The following SLC16A13 variants were observed in gnomAD, a reference collection of about 807,000 sequenced individuals.
SLC16A13 encodes monocarboxylate transporter 13.
Under a neutral mutation model 28.1 loss-of-function variants are expected in SLC16A13, and 28 were observed. The ratio of observed to expected loss-of-function variants is 1.00; its 90% CI spans 0.74 to 1.37. The LOEUF (loss-of-function observed/expected upper bound fraction) is 1.37. SLC16A13 is among the 40% of genes most tolerant of loss of function. The pLI, the probability that SLC16A13 is intolerant of heterozygous loss-of-function variation, is 0.00. For missense variants in SLC16A13, 482 were observed against 531.8 expected (o/e 0.91, Z 0.92); for synonymous variants, 228 against 241.6 (o/e 0.94, Z 0.52).
At position 7,038,774 on chromosome 17, in the gene SLC16A13, C is replaced by T. The variant is rs763112290; in HGVS notation, c.966C>T (p.Ala322=). Residue 322 remains alanine, a synonymous_variant, in exon 3 of 4, where the codon GCC becomes GCT. Transcript: ENST00000308027. This position sits in a 1 kb window ranked among gnomAD's most constrained non-coding sequence, Gnocchi z 5.7. ...VAYGFTSGAL[A]PLAFSVLPEL... The stretch of plus-strand genomic sequence containing the variant: ...ACGGCTTCACATCAGGGGCTCTGGC[C>T]CCACTGGCCTTCTCCGTGCTGCCTG... The T allele has an allele frequency of 1.2e-6, 2 of 1,613,998 alleles. No homozygotes were observed. Among genetic ancestry groups the T allele is most frequent in the South Asian group, 1.1e-5 (1 of 91,082 alleles).
chr17:7,040,073 C>G lies in SLC16A13; in HGVS notation c.*111C>G, dbSNP rs1386983848. On this transcript the variant is annotated 3_prime_UTR_variant, in exon 4 of 4. Coordinates refer to ENST00000308027, the MANE Select transcript of SLC16A13 (RefSeq NM_201566.3). ...GCCTTAAGATTCTTGATCTGCCTCC[C>G]CCTAGAGCAGGCCTGGGGCTCCTGC... is the stretch of plus-strand genomic sequence containing the variant. 2 of 985,348 alleles carry G rather than the reference C, an allele frequency of 2.0e-6. No homozygotes were observed. The highest frequency in any genetic ancestry group is 1.6e-5 in the African/African-American group (1 of 62,126). 61.0% of individuals were successfully genotyped at this position (985,348 alleles called of 1,614,324 possible).
chr17:7,036,280 G>A lies in SLC16A13; in HGVS notation c.-103G>A, dbSNP rs1597344132. 14 of 1,246,002 alleles carry A rather than the reference G, an allele frequency of 1.1e-5. No individual in the cohort carries two copies. Among genetic ancestry groups the A allele is most frequent in the Non-Finnish European group, 1.6e-5 (14 of 897,190 alleles). The allele number at this position is 1,246,002 out of a possible 1,614,324, so 77.2% of individuals were successfully genotyped here. A position where few individuals can be genotyped will look rare whatever the true frequency, so the allele number is the denominator to read the frequency against. ...TCTACCTGCCTCTCCAACCCCTCTC[G>A]GCCCCGAGCCACCCGGCAGCGGGGG... On this transcript the variant is annotated 5_prime_UTR_variant, in exon 1 of 4. Coordinates refer to ENST00000308027, the MANE Select transcript of SLC16A13 (RefSeq NM_201566.3).
chr17:7,036,667 G>A, intron 1 of SLC16A13, 60 bp from the exon 2 acceptor site: 1 of 1,607,210 alleles, frequency 6.2e-7, no homozygotes, highest in Non-Finnish European at 8.5e-7. Context: ...GGCGAGGGGC[G>A]GGAGATGCTG....
In SLC16A13 at chr17:7,036,494, T is replaced by C. The variant is rs200066541; in HGVS notation, c.112T>C (p.Phe38Leu). The change falls in exon 1 of 4, where the codon TTC (phenylalanine) becomes CTC (leucine). Residue 38 changes from phenylalanine to leucine, a missense_variant. Coordinates refer to ENST00000308027, the MANE Select transcript of SLC16A13 (RefSeq NM_201566.3). ...FGVLRSFGVF[F>L]VEFVAAFEEQ... ...GGTGCTCCGCTCCTTTGGGGTCTTC[T>C]TCGTGGAGTTTGTGGCGGCGTTTGA... 19 of 1,612,500 alleles carry C rather than the reference T, an allele frequency of 1.2e-5. No homozygotes were observed. Among genetic ancestry groups the C allele is most frequent in the Non-Finnish European group, 1.4e-5 (17 of 1,180,026 alleles).
chr17:7,039,199 T>C lies in SLC16A13; in HGVS notation c.1081+310T>C, dbSNP rs1490269701. On this transcript the variant is annotated intron_variant, in intron 3 of 3. Coordinates refer to ENST00000308027, the MANE Select transcript of SLC16A13 (RefSeq NM_201566.3). The surrounding 1 kb of genome is among the most constrained non-coding windows in gnomAD (Gnocchi z 4.3). ...GCATTCCAGTGTGCACCCTTTCCTT[T>C]GGCCTACTGGGCCCCAAACCAGGTA... Among the ~76,000 whole-genome samples the C allele has an allele frequency of 6.6e-6, 1 of 152,198 alleles. No individual in the cohort carries two copies. Among genetic ancestry groups the C allele is most frequent in the Non-Finnish European group, 1.5e-5 (1 of 68,020 alleles).
chr17:7,036,887 G>A lies in SLC16A13; in HGVS notation c.343+17G>A, dbSNP rs774992429. 1 of 1,609,564 alleles carries A rather than the reference G, an allele frequency of 6.2e-7. No individual in the cohort carries two copies. The highest frequency in any genetic ancestry group is 1.1e-5 in the South Asian group (1 of 91,012). ...TGCTGTCAGGTGAGAGCCTGCACAA[G>A]GGCAGGAGAGTCAAATGCTTAGATC... On this transcript the variant is annotated intron_variant, in intron 2 of 3. Transcript: ENST00000308027.
Position 7,039,964 on chromosome 17 carries a change from C to T in SLC16A13, c.*2C>T, listed in dbSNP as rs528557469. On this transcript the variant is annotated 3_prime_UTR_variant, in exon 4 of 4. Coordinates refer to ENST00000308027, the MANE Select transcript of SLC16A13 (RefSeq NM_201566.3). The surrounding 1 kb of genome is among the most constrained non-coding windows in gnomAD (Gnocchi z 4.3). ...AAGGAGGGGCTGGAAGAGGACTGAA[C>T]TCCACAGAGTCAGGCCCAGAAAGCC... 9 of 1,612,808 alleles carry T rather than the reference C, an allele frequency of 5.6e-6. No homozygotes were observed. The highest frequency in any genetic ancestry group is 1.3e-5 in the African/African-American group (1 of 74,912).
At position 7,039,976 on chromosome 17, in the gene SLC16A13, A is replaced by G. The variant is rs200078035; in HGVS notation, c.*14A>G. ...GAAGAGGACTGAACTCCACAGAGTCAGGCCCAGAAAGCCAAAGCTTGACAG... is the reference window on the plus strand; with the variant it reads ...GAAGAGGACTGAACTCCACAGAGTCGGGCCCAGAAAGCCAAAGCTTGACAG... On this transcript the variant is annotated 3_prime_UTR_variant, in exon 4 of 4. Transcript: ENST00000308027. This position sits in a 1 kb window ranked among gnomAD's most constrained non-coding sequence, Gnocchi z 4.3. 1.6e-5 allele frequency: 26 copies of G among 1,609,078 alleles called. No individual in the cohort carries two copies. In the East Asian group the frequency reaches 3.6e-4, roughly 22 times the overall value.
Position 7,038,297 on chromosome 17 carries a change from C to G in SLC16A13, c.489C>G (p.Leu163=). ...TTGCCCCCTTTTTCCAGTGGCTGCT[C>G]AGCCACTACGCCTGGAGGGGGTCCC... The part of the protein sequence containing the change: ...FTFAPFFQWL[L]SHYAWRGSLL... The change falls in exon 3 of 4, where the codon CTC becomes CTG. Residue 163 remains leucine (L), a synonymous_variant. Transcript: ENST00000308027. The surrounding 1 kb of genome is among the most constrained non-coding windows in gnomAD (Gnocchi z 5.7). 1 of 1,614,128 alleles carries G rather than the reference C, an allele frequency of 6.2e-7. No individual in the cohort carries two copies. Among genetic ancestry groups the G allele is most frequent in the East Asian group, 2.2e-5 (1 of 44,880 alleles).
At position 7,036,390 on chromosome 17, in the gene SLC16A13, G is replaced by A. The variant is rs142327139; in HGVS notation, c.8G>A (p.Arg3His). The A allele has an allele frequency of 4.6e-4, 742 of 1,609,280 alleles. 5 individuals are homozygous for A. The African/African-American group carries it at 8.5e-3, about 19-fold the overall frequency. ...AGCCCTGTTACCGCTTAGATGGCGCGCAGGACAGAGCCCCCCGACGGGGGC... is the reference window on the plus strand; with the variant it reads ...AGCCCTGTTACCGCTTAGATGGCGCACAGGACAGAGCCCCCCGACGGGGGC... MA[R>H]RTEPPDGGWG... Residue 3 changes from arginine to histidine, a missense_variant, in exon 1 of 4, where the codon CGC (arginine) becomes CAC (histidine). Coordinates refer to ENST00000308027, the MANE Select transcript of SLC16A13 (RefSeq NM_201566.3).
chr17:7,036,472 G>A lies in SLC16A13; in HGVS notation c.90G>A (p.Val30=), dbSNP rs774236194. 4 of 1,612,404 alleles carry A rather than the reference G, an allele frequency of 2.5e-6. No individual in the cohort carries two copies. Among genetic ancestry groups the A allele is most frequent in the Non-Finnish European group, 3.4e-6 (4 of 1,180,044 alleles). Reference sequence around the variant, plus strand: ...TCCAGTCGGCGCTTGTGTTTGGGGTGCTCCGCTCCTTTGGGGTCTTCTTCG... The same window carrying A: ...TCCAGTCGGCGCTTGTGTTTGGGGTACTCCGCTCCTTTGGGGTCTTCTTCG... ...AFFQSALVFG[V]LRSFGVFFVE... is the part of the protein sequence containing the mutation. Residue 30 remains valine, a synonymous_variant, in exon 1 of 4, where the codon GTG becomes GTA. Coordinates refer to ENST00000308027, the MANE Select transcript of SLC16A13 (RefSeq NM_201566.3).
Position 7,036,224 on chromosome 17 carries a change from G to T in SLC16A13, c.-159G>T. 1.5e-6 allele frequency: 1 copy of T among 679,458 alleles called. No individual in the cohort carries two copies. The highest frequency in any genetic ancestry group is 2.5e-6 in the Non-Finnish European group (1 of 407,860). The allele number at this position is 679,458 out of a possible 1,614,324, so 42.1% of individuals were successfully genotyped here. A position where few individuals can be genotyped will look rare whatever the true frequency, so the allele number is the denominator to read the frequency against. On this transcript the variant is annotated 5_prime_UTR_variant, in exon 1 of 4. Coordinates refer to ENST00000308027, the MANE Select transcript of SLC16A13 (RefSeq NM_201566.3). ...GCCCCGCCTTGGGAAAAGGTGCAGG[G>T]GCCTCTCGCCGCCTCGTCGGGCCCT...
rs887291640 is a variant in SLC16A13 at position 7,039,009 on chromosome 17, G to A, written c.1081+120G>A. 3.5e-5 allele frequency: 47 copies of A among 1,342,736 alleles called. No homozygotes were observed. Among genetic ancestry groups the A allele is most frequent in the Non-Finnish European group, 4.5e-5 (45 of 1,005,236 alleles). 83.2% of individuals were successfully genotyped at this position (1,342,736 alleles called of 1,614,324 possible). On this transcript the variant is annotated intron_variant, in intron 3 of 3. Coordinates refer to ENST00000308027, the MANE Select transcript of SLC16A13 (RefSeq NM_201566.3). This position sits in a 1 kb window ranked among gnomAD's most constrained non-coding sequence, Gnocchi z 4.3. ...TCTGGTGTAGTACAGTACACAGCCT[G>A]CGTGGCCAACCATAGCATCCCTGAA...
Position 7,036,194 on chromosome 17 carries a change from A to G in SLC16A13, c.-189A>G. Reference sequence around the variant, plus strand: ...CAGCGCGGGCCAGGTCTTCAGTCCTATATCGCCCCGCCTTGGGAAAAGGTG... The same window carrying G: ...CAGCGCGGGCCAGGTCTTCAGTCCTGTATCGCCCCGCCTTGGGAAAAGGTG... On this transcript the variant is annotated 5_prime_UTR_variant, in exon 1 of 4. Transcript: ENST00000308027. 1.6e-6 allele frequency: 1 copy of G among 606,436 alleles called. No homozygotes were observed. The highest frequency in any genetic ancestry group is 2.9e-6 in the Non-Finnish European group (1 of 348,210). The allele number at this position is 606,436 out of a possible 1,614,324, so 37.6% of individuals were successfully genotyped here. A position where few individuals can be genotyped will look rare whatever the true frequency, so the allele number is the denominator to read the frequency against.
chr17:7,037,502 G>A (rs577842412), intron 2 of SLC16A13, among the ~76,000 whole-genome samples: 2 of 151,952 alleles, frequency 1.3e-5, no homozygotes, highest in Non-Finnish European at 2.9e-5. Context: ...CGAGGCGGGC[G>A]GATCACGAGG....
rs887397489 is a variant in SLC16A13, at chr17:7,039,443, G to C, written c.1082-320G>C. Among the ~76,000 whole-genome samples the C allele has an allele frequency of 4.7e-5, 7 of 148,742 alleles. No individual in the cohort carries two copies. In the South Asian group the frequency reaches 1.3e-3, roughly 27 times the overall value. On this transcript the variant is annotated intron_variant, in intron 3 of 3. Coordinates refer to ENST00000308027, the MANE Select transcript of SLC16A13 (RefSeq NM_201566.3). The surrounding 1 kb of genome is among the most constrained non-coding windows in gnomAD (Gnocchi z 4.3). ...CCACTGCACTTCAGCCTGGGCGACAGAGCGAGACTCCGTCTCAAAAAAAAA... is the reference window on the plus strand; with the variant it reads ...CCACTGCACTTCAGCCTGGGCGACACAGCGAGACTCCGTCTCAAAAAAAAA...
At position 7,038,613 on chromosome 17, in the gene SLC16A13, T is replaced by A; in HGVS notation, c.805T>A (p.Ser269Thr). The stretch of plus-strand genomic sequence containing the variant: ...TTCTGACCTCGTGGGGCGTGTGGTC[T>A]CCGGATGGCTGGGAGATGCAGTCCC... The part of the protein sequence containing the change: ...AISDLVGRVV[S>T]GWLGDAVPGP... Residue 269 changes from serine to threonine, a missense_variant, in exon 3 of 4, where the codon TCC becomes ACC. Ser to Thr is a moderately conservative substitution (Grantham distance 58, BLOSUM62 1). Transcript: ENST00000308027. The surrounding 1 kb of genome is among the most constrained non-coding windows in gnomAD (Gnocchi z 5.7). 6.2e-7 allele frequency: 1 copy of A among 1,614,146 alleles called. No individual in the cohort carries two copies. Among genetic ancestry groups the A allele is most frequent in the Non-Finnish European group, 8.5e-7 (1 of 1,180,012 alleles).
In SLC16A13 at chr17:7,036,194, A is replaced by T; in HGVS notation, c.-189A>T. ...CAGCGCGGGCCAGGTCTTCAGTCCT[A>T]TATCGCCCCGCCTTGGGAAAAGGTG... On this transcript the variant is annotated 5_prime_UTR_variant, in exon 1 of 4. Coordinates refer to ENST00000308027, the MANE Select transcript of SLC16A13 (RefSeq NM_201566.3). The T allele has an allele frequency of 1.6e-6, 1 of 606,436 alleles. No individual in the cohort carries two copies. 37.6% of individuals were successfully genotyped at this position (606,436 alleles called of 1,614,324 possible).
Position 7,038,928 on chromosome 17 carries a change from T to C in SLC16A13, c.1081+39T>C. 1 of 1,567,962 alleles carries C rather than the reference T, an allele frequency of 6.4e-7. No individual in the cohort carries two copies. Among genetic ancestry groups the C allele is most frequent in the Non-Finnish European group, 8.6e-7 (1 of 1,159,250 alleles). On this transcript the variant is annotated intron_variant, in intron 3 of 3. Coordinates refer to ENST00000308027, the MANE Select transcript of SLC16A13 (RefSeq NM_201566.3). The surrounding 1 kb of genome is among the most constrained non-coding windows in gnomAD (Gnocchi z 5.7). ...GGTTCCCAGGGGGTGAGGGCTGCCATGTTGCACAACTAGGGGAGGGTACTA... is the reference window on the plus strand; with the variant it reads ...GGTTCCCAGGGGGTGAGGGCTGCCACGTTGCACAACTAGGGGAGGGTACTA...
Sources: allele counts gnomAD v4.1 joint callset (sites outside exome capture counted in the v4.1 genomes callset), GRCh38; gene constraint gnomAD v4.1.1; non-coding constraint Gnocchi (gnomAD v3.1); transcripts MANE v1.5; gene names NCBI Gene and HGNC (gene_info 2026-07-23, HGNC 2026-07-21).